The following ZNF254 variants were observed in gnomAD, a reference collection of about 807,000 sequenced individuals.
ZNF254 encodes the protein zinc finger protein 254, also known as CTD-2017D11.1.
Under a neutral mutation model 12.4 loss-of-function variants are expected in ZNF254, and 10 were observed. That is an observed-to-expected ratio of 0.80 (90% CI 0.50 to 1.36). The LOEUF is 1.36. Among genes scored for constraint, ZNF254 ranks in the 40% most tolerant of loss-of-function variants. The pLI is 0.00. For missense variants in ZNF254, 996 were observed against 763.9 expected (o/e 1.30, Z -3.58); for synonymous variants, 305 against 253.4 (o/e 1.20, Z -1.93).
intron 3 of ZNF254, among the ~76,000 whole-genome samples, chr19:24,120,062 T>A (rs537205937): frequency 1.1e-4 from 16 of 152,254 alleles, no homozygotes; most frequent in African/African-American, 3.4e-4. Flanking sequence ...GGTTTATTGG[T>A]CACAGTTTCA....
At chr19:24,068,559 C>T (rs1971364020) in intron 2 of ZNF254, among the ~76,000 whole-genome samples, 1 of 152,150 alleles carries the variant, frequency 6.6e-6, no homozygotes, top group African/African-American at 2.4e-5. Flanking sequence ...CCTTGGCCTC[C>T]CAAAGTGCTG....
chr19:24,128,046 G>T lies in ZNF254; in HGVS notation c.*66G>T. On this transcript the variant is annotated 3_prime_UTR_variant, in exon 4 of 4. Transcript: ENST00000357002. ...GATATAAGATTATTCCTACTGGAGA[G>T]AAACTACAAACCTGAGAGAGGCGCT... 1.4e-6 allele frequency: 2 copies of T among 1,434,872 alleles called. No individual in the cohort carries two copies. The highest frequency in any genetic ancestry group is 1.8e-6 in the Non-Finnish European group (2 of 1,092,698). The allele number at this position is 1,434,872 out of a possible 1,614,324, so 88.9% of individuals were successfully genotyped here.
At chr19:24,089,624 A>G (rs1972246476) in intron 1 of ZNF254, among the ~76,000 whole-genome samples, 1 of 152,112 alleles carries the variant, frequency 6.6e-6, no homozygotes. Flanking sequence ...ATTCTCTCAT[A>G]GGAAAATCTG....
chr19:24,119,770 T>G (rs11672468), intron 3 of ZNF254, among the ~76,000 whole-genome samples: 22,790 of 151,994 alleles, frequency 0.15, 1,812 homozygotes, highest in Middle Eastern at 0.17. Context: ...AGATTACATT[T>G]CTTTTTATTA....
chr19:24,087,409 G>A (rs1195489477), intron 1 of ZNF254, 72 bp downstream of exon 1: 5 of 1,599,652 alleles, frequency 3.1e-6, no homozygotes, highest in Admixed American at 3.3e-5. Flanking sequence ...CGGCTGTGGC[G>A]GGACTCAGGC....
chr19:24,061,388 A>T (rs1971060064), intron 2 of ZNF254, among the ~76,000 whole-genome samples: 1 of 152,210 alleles, frequency 6.6e-6, no homozygotes. Flanking sequence ...AGCCCTGTCC[A>T]CAGGGGTTCT....
intron 1 of ZNF254, among the ~76,000 whole-genome samples, chr19:24,096,059 C>CTTTTTTT (rs200037759): frequency 8.2e-6 from 1 of 121,636 alleles, no homozygotes. Flanking sequence ...TTTTTTAGTT[C>CTTTTTTT]TTTTTTTTTT....
chr19:24,097,002 TTAAGA>T (rs987503457), intron 1 of ZNF254, among the ~76,000 whole-genome samples: 36 of 152,340 alleles, frequency 2.4e-4, no homozygotes, highest in African/African-American at 7.7e-4. Context: ...TTGGTCCACA[TTAAGA>T]TAAGAGAAAA....
chr19:24,087,455 C>G (rs1254637792), intron 1 of ZNF254, 118 bp downstream of exon 1: 11 of 1,295,868 alleles, frequency 8.5e-6, no homozygotes, highest in Non-Finnish European at 1.2e-5. Context: ...GCGCCCAGCT[C>G]GACCTCAGTC....
At chr19:24,076,497 T>C (rs1971664381) in intron 2 of ZNF254, among the ~76,000 whole-genome samples, 1 of 152,160 alleles carries the variant, frequency 6.6e-6, no homozygotes, top group Non-Finnish European at 1.5e-5. Context: ...GCTGATCTCC[T>C]ATGTTATTCT....
intron 1 of ZNF254, 119 bp downstream of exon 1, chr19:24,087,456 G>A: frequency 7.7e-7 from 1 of 1,297,456 alleles, no homozygotes; most frequent in Non-Finnish European, 1.1e-6. Context: ...CGCCCAGCTC[G>A]ACCTCAGTCC....
intron 1 of ZNF254, among the ~76,000 whole-genome samples, chr19:24,036,057 G>A (rs1337848194): frequency 6.6e-6 from 1 of 151,788 alleles, no homozygotes. Context: ...CTTTTGTTTT[G>A]TTTTGTTTTG....
intron 2 of ZNF254, among the ~76,000 whole-genome samples, chr19:24,052,489 C>A (rs1207320704): frequency 6.6e-6 from 1 of 151,914 alleles, no homozygotes; most frequent in Non-Finnish European, 1.5e-5. Context: ...CCCTTTTTGC[C>A]TGCACCCTGA....
intron 2 of ZNF254, among the ~76,000 whole-genome samples, chr19:24,052,028 C>A (rs1450064775): frequency 6.6e-6 from 1 of 151,964 alleles, no homozygotes; most frequent in Non-Finnish European, 1.5e-5. Flanking sequence ...TATTGCTGAG[C>A]CCATTATATA....
Position 24,121,564 on chromosome 19 carries a change from AT to A in ZNF254, c.254-4680del, listed in dbSNP as rs996562581. On this transcript the variant is annotated intron_variant, in intron 3 of 3. Transcript: ENST00000357002. Reference sequence around the variant, plus strand: ...CCTGTATAAATGTTATCTTTTTTAAATTTTTTTTTTGAGACAGAGTTTTGCT... The same window carrying A: ...CCTGTATAAATGTTATCTTTTTTAAATTTTTTTTTGAGACAGAGTTTTGCT... Among the ~76,000 whole-genome samples the A allele has an allele frequency of 6.0e-5, 9 of 150,286 alleles. 1 individual carries two copies. The highest frequency in any genetic ancestry group is 2.0e-4 in the African/African-American group (8 of 40,998).
chr19:24,062,887 G>C (rs1384223553), intron 2 of ZNF254, among the ~76,000 whole-genome samples: 1 of 152,132 alleles, frequency 6.6e-6, no homozygotes, highest in East Asian at 1.9e-4. Flanking sequence ...TGCAAACTCT[G>C]CTTCCTGGGT....
chr19:24,069,393 G>A (rs1450243152), intron 2 of ZNF254, among the ~76,000 whole-genome samples: 1 of 145,098 alleles, frequency 6.9e-6, no homozygotes, highest in African/African-American at 2.5e-5. Context: ...TGGATCACGA[G>A]GTCAGGAGTT....
At chr19:24,090,358 A>G (rs1384044282) in intron 1 of ZNF254, among the ~76,000 whole-genome samples, 1 of 152,136 alleles carries the variant, frequency 6.6e-6, no homozygotes, top group Non-Finnish European at 1.5e-5. Flanking sequence ...CAGTCTCTCA[A>G]GTAATTGGAT....
At chr19:24,053,645 G>A (rs540297873) in intron 2 of ZNF254, among the ~76,000 whole-genome samples, 4 of 152,252 alleles carry the variant, frequency 2.6e-5, no homozygotes, top group East Asian at 3.9e-4. Flanking sequence ...AACCTAGGTC[G>A]TGTGACTCTC....
Sources: allele counts gnomAD v4.1 joint callset (sites outside exome capture counted in the v4.1 genomes callset), GRCh38; gene constraint gnomAD v4.1.1; transcripts MANE v1.5; gene names NCBI Gene and HGNC (gene_info 2026-07-23, HGNC 2026-07-21).